ATP1A1: variants seen among roughly 807,000 people sequenced by gnomAD.
The protein encoded by ATP1A1 is ATPase Na+/K+ transporting subunit alpha 1.
ATP1A1 carries 14 observed loss-of-function variants against 114.8 expected under a neutral mutation model. The observed-to-expected ratio is 0.12, with a 90% confidence interval of 0.08 to 0.19. ATP1A1 has a LOEUF of 0.19. ATP1A1 is among the 10% of genes least tolerant of loss of function. The pLI is 1.00. For synonymous variants in ATP1A1, 471 were observed against 466.3 expected (o/e 1.01, Z -0.13); for missense variants, 524 against 1,290.7 (o/e 0.41, Z 9.10).
intron 1 of ATP1A1, among the ~76,000 whole-genome samples, chr1:116,374,643 G>A (rs2101027042): frequency 6.6e-6 from 1 of 152,330 alleles, no homozygotes; most frequent in Non-Finnish European, 1.5e-5. Flanking sequence ...GACCCCAAAT[G>A]AGCCAAAGTC....
In ATP1A1 at chr1:116,381,124, T is replaced by C. The variant is rs1204856711; in HGVS notation, c.13-2890T>C. The stretch of plus-strand genomic sequence containing the variant: ...GGGGGAAGTGACCTGAACTTTCTAA[T>C]TGAAAAAGTAGGAAGTGTGTGCCCA... On this transcript the variant is annotated intron_variant, in intron 1 of 22. Coordinates refer to ENST00000295598, the MANE Select transcript of ATP1A1 (RefSeq NM_000701.8). The surrounding 1 kb of genome is among the most constrained non-coding windows in gnomAD (Gnocchi z 5.1). 5.3e-5 allele frequency among the ~76,000 whole-genome samples: 8 copies of C among 152,230 alleles called. No homozygotes were observed. Among genetic ancestry groups the C allele is most frequent in the East Asian group, 1.9e-4 (1 of 5,198 alleles).
In ATP1A1 at chr1:116,380,586, G is replaced by T. The variant is rs1219561176; in HGVS notation, c.13-3428G>T. Among the ~76,000 whole-genome samples the T allele has an allele frequency of 3.9e-5, 6 of 152,088 alleles. No homozygotes were observed. The East Asian group carries it at 7.7e-4, about 20-fold the overall frequency. On this transcript the variant is annotated intron_variant, in intron 1 of 22. Coordinates refer to ENST00000295598, the MANE Select transcript of ATP1A1 (RefSeq NM_000701.8). ...TCCCCAACCCTGTCCCCATTAAATG[G>T]CTAATTGCCAAAAAAGAGGAAGCAA...
rs780034463 is a variant in ATP1A1 at position 116,384,243 on chromosome 1, G to A, written c.123+119G>A. On this transcript the variant is annotated intron_variant, in intron 2 of 22. Transcript: ENST00000295598. The surrounding 1 kb of genome is among the most constrained non-coding windows in gnomAD (Gnocchi z 5.1). ...TATATTAAAAGAGATCATAGCAGCT[G>A]TACAGATCTCATCTAGTCGTAGAGG... The A allele has an allele frequency of 1.0e-4, 81 of 793,238 alleles. No individual in the cohort carries two copies. The highest frequency in any genetic ancestry group is 2.8e-4 in the African/African-American group (16 of 56,900). 49.1% of individuals were successfully genotyped at this position (793,238 alleles called of 1,614,324 possible). A position where few individuals can be genotyped will look rare whatever the true frequency, so the allele number is the denominator to read the frequency against.
chr1:116,387,449 T>C lies in ATP1A1; in HGVS notation c.345T>C (p.Tyr115=), dbSNP rs1203550548. The change falls in exon 4 of 23, where the codon TAT becomes TAC. Residue 115 remains tyrosine, a synonymous_variant. Coordinates refer to ENST00000295598, the MANE Select transcript of ATP1A1 (RefSeq NM_000701.8). This position sits in a 1 kb window ranked among gnomAD's most constrained non-coding sequence, Gnocchi z 6.7. Reference sequence around the variant, plus strand: ...GAGCGATTCTTTGTTTCTTGGCTTATAGCATCCAAGCTGCTACAGAAGAGG... The same window carrying C: ...GAGCGATTCTTTGTTTCTTGGCTTACAGCATCCAAGCTGCTACAGAAGAGG... ...WIGAILCFLA[Y]SIQAATEEEP... 8.7e-6 allele frequency: 14 copies of C among 1,614,244 alleles called. No homozygotes were observed. Among genetic ancestry groups the C allele is most frequent in the Middle Eastern group, 1.6e-4 (1 of 6,062 alleles).
rs530130545 is a variant in ATP1A1 at position 116,398,967 on chromosome 1, T to G, written c.2331T>G (p.Ala777=). ...LIFDNLKKSI[A]YTLTSNIPEI... ...TTGATAACTTGAAGAAATCCATTGC[T>G]TATACCTTAACCAGTAACATTCCCG... is the stretch of plus-strand genomic sequence containing the variant. The change falls in exon 17 of 23, where the codon GCT becomes GCG. Residue 777 remains alanine, a synonymous_variant. Transcript: ENST00000295598. The surrounding 1 kb of genome is among the most constrained non-coding windows in gnomAD (Gnocchi z 6.1). 3.6e-4 allele frequency: 575 copies of G among 1,614,240 alleles called. 6 individuals carry two copies. The South Asian group carries it at 6.0e-3, about 17-fold the overall frequency.
intron 1 of ATP1A1, chr1:116,383,305 CT>C: frequency 9.4e-7 from 1 of 1,062,298 alleles, no homozygotes. Context: ...CTTAGGCTGA[CT>C]TTTTAATATG....
At chr1:116,394,438 TAAGTG>T (rs1332337971) in intron 12 of ATP1A1, among the ~76,000 whole-genome samples, 1 of 152,142 alleles carries the variant, frequency 6.6e-6, no homozygotes, top group Non-Finnish European at 1.5e-5. Context: ...ATCTTCTCTT[TAAGTG>T]TTTTTCACTT....
Position 116,393,859 on chromosome 1 carries a change from C to A in ATP1A1, c.1660+136C>A, listed in dbSNP as rs1401832875. 2.2e-5 allele frequency: 19 copies of A among 867,736 alleles called. No individual in the cohort carries two copies. Among genetic ancestry groups the A allele is most frequent in the Non-Finnish European group, 2.9e-5 (17 of 583,474 alleles). 53.8% of individuals were successfully genotyped at this position (867,736 alleles called of 1,614,324 possible). ...CTCTACATCTTTTAGGGGCAATCCT[C>A]CTATTTGTTTATTTGCCCCCTATTA... is the stretch of plus-strand genomic sequence containing the variant. On this transcript the variant is annotated intron_variant, in intron 12 of 22. Transcript: ENST00000295598. The surrounding 1 kb of genome is among the most constrained non-coding windows in gnomAD (Gnocchi z 5.0).
intron 12 of ATP1A1, among the ~76,000 whole-genome samples, chr1:116,394,079 A>C (rs1652702390): frequency 6.6e-6 from 1 of 152,160 alleles, no homozygotes; most frequent in South Asian, 2.1e-4. Flanking sequence ...TTATAAGCCT[A>C]ATTAAAGTTA....
At chr1:116,374,303 T>A in intron 1 of ATP1A1, 1 of 1,551,180 alleles carries the variant, frequency 6.4e-7, no homozygotes, top group Non-Finnish European at 8.7e-7. Flanking sequence ...CGATGGCAAC[T>A]GGAGTTGTCA....
Position 116,384,623 on chromosome 1 carries a change from G to A in ATP1A1, c.124-160G>A, listed in dbSNP as rs565326352. Among the ~76,000 whole-genome samples, 1 of 152,330 alleles carries A rather than the reference G, an allele frequency of 6.6e-6. No individual in the cohort carries two copies. The highest frequency in any genetic ancestry group is 1.5e-5 in the Non-Finnish European group (1 of 68,026). On this transcript the variant is annotated intron_variant, in intron 2 of 22. Transcript: ENST00000295598. The surrounding 1 kb of genome is among the most constrained non-coding windows in gnomAD (Gnocchi z 5.1). The stretch of plus-strand genomic sequence containing the variant: ...TCAATGATAACTGTGTGGTTGCAAA[G>A]CCACAAAGCGATGGTGAAAATTGTA...
chr1:116,403,547 A>G (rs1653710498), intron 21 of ATP1A1, among the ~76,000 whole-genome samples: 1 of 152,242 alleles, frequency 6.6e-6, no homozygotes, highest in African/African-American at 2.4e-5. Context: ...AATGAAAGAA[A>G]GAAAATGTTC....
At chr1:116,386,345 G>A (rs756786515) in intron 3 of ATP1A1, among the ~76,000 whole-genome samples, 4 of 151,850 alleles carry the variant, frequency 2.6e-5, no homozygotes, top group African/African-American at 4.8e-5. Flanking sequence ...TGCTCTCTCC[G>A]ACCTATGCCC....
chr1:116,395,246 T>G lies in ATP1A1; in HGVS notation c.1797T>G (p.Val599=), dbSNP rs748262067. Residue 599 remains valine (V), a synonymous_variant, in exon 13 of 23, where the codon GTT becomes GTG. Transcript: ENST00000295598. This position sits in a 1 kb window ranked among gnomAD's most constrained non-coding sequence, Gnocchi z 6.4. ...ISMIDPPRAA[V]PDAVGKCRSA... is the part of the protein sequence containing the mutation. ...TGATTGACCCTCCACGGGCGGCCGT[T>G]CCTGATGCCGTGGGCAAATGTCGAA... 6.2e-7 allele frequency: 1 copy of G among 1,614,140 alleles called. No individual in the cohort carries two copies. Among genetic ancestry groups the G allele is most frequent in the Admixed American group, 1.7e-5 (1 of 60,024 alleles).
Position 116,387,216 on chromosome 1 carries a change from A to C in ATP1A1, c.184-72A>C. ...CCTTAAATCCTTATTGCAACCGTCC[A>C]GCTACCAGGTAGGTATATTGCCTTG... On this transcript the variant is annotated intron_variant, in intron 3 of 22. Transcript: ENST00000295598. This position sits in a 1 kb window ranked among gnomAD's most constrained non-coding sequence, Gnocchi z 6.7. The C allele has an allele frequency of 6.5e-7, 1 of 1,550,298 alleles. No homozygotes were observed. Among genetic ancestry groups the C allele is most frequent in the Non-Finnish European group, 8.8e-7 (1 of 1,130,112 alleles).
Position 116,388,254 on chromosome 1 carries a change from G to C in ATP1A1, c.501+10G>C, listed in dbSNP as rs777723511. On this transcript the variant is annotated intron_variant, in intron 5 of 22. Transcript: ENST00000295598. The surrounding 1 kb of genome is among the most constrained non-coding windows in gnomAD (Gnocchi z 5.6). ...AAACATGGTCCCTCAGGTACCAGAC[G>C]CTTTGTCCTTCCCCAGTGGATGACT... 1 of 1,587,270 alleles carries C rather than the reference G, an allele frequency of 6.3e-7. No individual in the cohort carries two copies.
chr1:116,393,279 G>A lies in ATP1A1; in HGVS notation c.1468-252G>A, dbSNP rs547404152. Among the ~76,000 whole-genome samples, 17 of 151,998 alleles carry A rather than the reference G, an allele frequency of 1.1e-4. No individual in the cohort carries two copies. Among genetic ancestry groups the A allele is most frequent in the African/African-American group, 3.9e-4 (16 of 41,432 alleles). The stretch of plus-strand genomic sequence containing the variant: ...TACACAAGTGTTCCCCAATCCCTGT[G>A]TTCTGAAATTTCGTATGTTCTTTTT... On this transcript the variant is annotated intron_variant, in intron 11 of 22. Coordinates refer to ENST00000295598, the MANE Select transcript of ATP1A1 (RefSeq NM_000701.8). This position sits in a 1 kb window ranked among gnomAD's most constrained non-coding sequence, Gnocchi z 5.0.
chr1:116,404,632 GAA>G lies in ATP1A1; in HGVS notation c.*191_*192del. ...ATGGGGGGAGGGGGGAGGGCTGCCT[GAA>G]AACCATCCATCTGTGGAAATGACAG... On this transcript the variant is annotated 3_prime_UTR_variant, in exon 23 of 23. Coordinates refer to ENST00000295598, the MANE Select transcript of ATP1A1 (RefSeq NM_000701.8). This position sits in a 1 kb window ranked among gnomAD's most constrained non-coding sequence, Gnocchi z 4.8. 7.6e-7 allele frequency: 1 copy of G among 1,312,152 alleles called. No homozygotes were observed. The highest frequency in any genetic ancestry group is 9.7e-7 in the Non-Finnish European group (1 of 1,034,544). The allele number at this position is 1,312,152 out of a possible 1,614,324, so 81.3% of individuals were successfully genotyped here.
At position 116,384,172 on chromosome 1, in the gene ATP1A1, G is replaced by T; in HGVS notation, c.123+48G>T. 1.3e-6 allele frequency: 2 copies of T among 1,496,394 alleles called. No homozygotes were observed. The highest frequency in any genetic ancestry group is 2.3e-5 in the South Asian group (2 of 86,844). 92.7% of individuals were successfully genotyped at this position (1,496,394 alleles called of 1,614,324 possible). On this transcript the variant is annotated intron_variant, in intron 2 of 22. Coordinates refer to ENST00000295598, the MANE Select transcript of ATP1A1 (RefSeq NM_000701.8). The surrounding 1 kb of genome is among the most constrained non-coding windows in gnomAD (Gnocchi z 5.1). The stretch of plus-strand genomic sequence containing the variant: ...TATTCCATCCTTATTAAAAATCCAT[G>T]ATTTTTAATCCCCCAGGCCTCACTG...
Sources: gnomAD v4.1 joint callset for allele counts (sites outside exome capture counted in the v4.1 genomes callset) on GRCh38, gnomAD v4.1.1 for gene constraint, Gnocchi (gnomAD v3.1) non-coding constraint, MANE v1.5 for transcripts, NCBI Gene and HGNC (gene_info 2026-07-23, HGNC 2026-07-21) for gene names.